Variants in LRRC4C observed in about 807,000 individuals in gnomAD.
LRRC4C encodes leucine-rich repeat-containing protein 4C.
A neutral mutation model predicts 33.6 loss-of-function variants in LRRC4C; 5 were observed. That is an observed-to-expected ratio of 0.15 (90% CI 0.08 to 0.31). LRRC4C has a LOEUF of 0.31. Ranked by LOEUF, LRRC4C falls within the 10% of genes least tolerant of loss-of-function variation. The pLI is 1.00. For synonymous variants in LRRC4C, 329 were observed against 302.0 expected, an observed-to-expected ratio of 1.09 and a Z score of -0.93; for missense variants, 560 against 796.7, an observed-to-expected ratio of 0.70 and a Z score of 3.58.
chr11:40,344,799 A>C (rs1947046937), intron 3 of LRRC4C, among the ~76,000 whole-genome samples: 1 of 152,184 alleles, frequency 6.6e-6, no homozygotes, highest in African/African-American at 2.4e-5. Context: ...GAACAACTTC[A>C]ACAAAATTTC....
At chr11:41,177,989 G>A (rs751148159) in intron 1 of LRRC4C, among the ~76,000 whole-genome samples, 3 of 152,128 alleles carry the variant, frequency 2.0e-5, no homozygotes, top group Non-Finnish European at 2.9e-5. Context: ...CCAAGATACC[G>A]TGGTTAAAGC....
At chr11:40,580,848 A>G (rs1958435075) in intron 3 of LRRC4C, among the ~76,000 whole-genome samples, 2 of 152,224 alleles carry the variant, frequency 1.3e-5, no homozygotes, top group Non-Finnish European at 2.9e-5. Flanking sequence ...ACCCTTGCCT[A>G]TCTATATTTT....
chr11:40,426,206 G>A (rs1389251253), intron 3 of LRRC4C, among the ~76,000 whole-genome samples: 1 of 151,776 alleles, frequency 6.6e-6, no homozygotes, highest in African/African-American at 2.4e-5. Flanking sequence ...GTAGAGACGG[G>A]GTTTCACCAT....
At chr11:40,858,240 TG>T (rs1300728361) in intron 2 of LRRC4C, among the ~76,000 whole-genome samples, 1 of 152,236 alleles carries the variant, frequency 6.6e-6, no homozygotes, top group Non-Finnish European at 1.5e-5. Flanking sequence ...AAAGTTTCAC[TG>T]GACGTAACTG....
intron 5 of LRRC4C, among the ~76,000 whole-genome samples, chr11:40,167,867 A>G (rs1000114926): frequency 7.2e-4 from 110 of 152,096 alleles, no homozygotes; most frequent in Non-Finnish European, 6.8e-4. Flanking sequence ...CAACATGGAG[A>G]AACCCTGCCT....
At chr11:41,113,259 A>C (rs1941945115) in intron 1 of LRRC4C, among the ~76,000 whole-genome samples, 1 of 152,068 alleles carries the variant, frequency 6.6e-6, no homozygotes, top group East Asian at 1.9e-4. Context: ...TGTCAATTGC[A>C]TGAGGGCACA....
chr11:40,558,111 C>A (rs561730816), intron 3 of LRRC4C, among the ~76,000 whole-genome samples: 1 of 152,194 alleles, frequency 6.6e-6, no homozygotes, highest in African/African-American at 2.4e-5. Context: ...TTTAGCACTG[C>A]AATTACTGTT....
chr11:41,353,280 A>C (rs1438242286), intron 1 of LRRC4C, among the ~76,000 whole-genome samples: 1 of 152,126 alleles, frequency 6.6e-6, no homozygotes, highest in East Asian at 1.9e-4. Flanking sequence ...AGAAATGAAT[A>C]AATTCCTGGA....
At chr11:41,251,698 C>T (rs1343167168) in intron 1 of LRRC4C, among the ~76,000 whole-genome samples, 5 of 152,162 alleles carry the variant, frequency 3.3e-5, no homozygotes, top group African/African-American at 1.2e-4. Context: ...TATTAATTAT[C>T]GTGCCTTGCC....
intron 5 of LRRC4C, among the ~76,000 whole-genome samples, chr11:40,218,921 C>A (rs1325348680): frequency 6.6e-6 from 1 of 152,092 alleles, no homozygotes. Context: ...CTCTGTACTT[C>A]CCAATCCCTC....
intron 2 of LRRC4C, among the ~76,000 whole-genome samples, chr11:40,783,507 C>T (rs1950299876): frequency 6.6e-6 from 1 of 151,852 alleles, no homozygotes; most frequent in Admixed American, 6.6e-5. Flanking sequence ...TGAGGTTTCA[C>T]CATGTTGGCC....
chr11:40,618,542 G>A (rs981248277), intron 3 of LRRC4C, among the ~76,000 whole-genome samples: 3 of 151,628 alleles, frequency 2.0e-5, no homozygotes, highest in East Asian at 1.9e-4. Context: ...CTATGCAATC[G>A]TGCAATACTT....
chr11:40,924,028 T>C (rs1957302550), intron 2 of LRRC4C, among the ~76,000 whole-genome samples: 1 of 151,908 alleles, frequency 6.6e-6, no homozygotes, highest in South Asian at 2.1e-4. Context: ...AATAAAGTCA[T>C]TCCACGAATT....
intron 1 of LRRC4C, among the ~76,000 whole-genome samples, chr11:41,247,675 G>A (rs1420496044): frequency 6.6e-6 from 1 of 152,160 alleles, no homozygotes; most frequent in Non-Finnish European, 1.5e-5. Context: ...CTTTTTAGAA[G>A]GGAACATTTG....
At chr11:40,786,002 A>G (rs1950398584) in intron 2 of LRRC4C, among the ~76,000 whole-genome samples, 1 of 152,166 alleles carries the variant, frequency 6.6e-6, no homozygotes, top group Non-Finnish European at 1.5e-5. Context: ...TTAACAAATT[A>G]TACATGAAAA....
In LRRC4C at chr11:40,885,148, A is replaced by C. The variant is rs141618242; in HGVS notation, c.-407+48487T>G. 2.0e-5 allele frequency among the ~76,000 whole-genome samples: 3 copies of C among 152,278 alleles called. No individual in the cohort carries two copies. The East Asian group carries it at 5.8e-4, about 29-fold the overall frequency. On this transcript the variant is annotated intron_variant, in intron 2 of 6. Coordinates refer to ENST00000528697, the MANE Select transcript of LRRC4C (RefSeq NM_001258419.2). Reference sequence around the variant, plus strand: ...ATACAAACTGTTTGTATTTAGGCTTACTTTTATATCACAAATAAATTTATT... The same window carrying C: ...ATACAAACTGTTTGTATTTAGGCTTCCTTTTATATCACAAATAAATTTATT...
intron 4 of LRRC4C, among the ~76,000 whole-genome samples, chr11:40,255,155 A>C (rs1867104498): frequency 6.6e-6 from 1 of 152,136 alleles, no homozygotes. Flanking sequence ...CCAGTCAATC[A>C]GGGAGGATGT....
At chr11:40,663,342 A>G (rs1466756663) in intron 2 of LRRC4C, among the ~76,000 whole-genome samples, 1 of 152,142 alleles carries the variant, frequency 6.6e-6, no homozygotes, top group African/African-American at 2.4e-5. Context: ...TGGCCTCCCA[A>G]AGTGTTGGGA....
chr11:40,834,966 C>A (rs535291555), intron 2 of LRRC4C, among the ~76,000 whole-genome samples: 12 of 96,358 alleles, frequency 1.2e-4, no homozygotes, highest in Non-Finnish European at 2.9e-4. Flanking sequence ...GCAACCCACC[C>A]TGGGATTCTG....
Sources: gnomAD v4.1 joint callset for allele counts (sites outside exome capture counted in the v4.1 genomes callset) on GRCh38, gnomAD v4.1.1 for gene constraint, MANE v1.5 for transcripts, NCBI Gene and HGNC (gene_info 2026-07-23, HGNC 2026-07-21) for gene names.